Variants in TMEM117 observed in about 807,000 individuals in gnomAD.
The protein encoded by TMEM117 is transmembrane protein 117.
TMEM117 carries 27 observed loss-of-function variants against 52.4 expected under a neutral mutation model. The ratio of observed to expected loss-of-function variants is 0.51; its 90% CI spans 0.38 to 0.71. The LOEUF (loss-of-function observed/expected upper bound fraction) is 0.71, where lower values mean the gene tolerates loss of function less well. Ranked by LOEUF, TMEM117 falls within the 30% of genes least tolerant of loss-of-function variation. The pLI, the probability that TMEM117 is intolerant of heterozygous loss-of-function variation, is 0.00. For missense variants in TMEM117, 556 were observed against 630.5 expected (o/e 0.88, Z 1.26); for synonymous variants, 215 against 206.3 (o/e 1.04, Z -0.36).
chr12:44,057,261 C>T (rs76537591), intron 3 of TMEM117, among the ~76,000 whole-genome samples: 3,134 of 152,156 alleles, frequency 0.021, 103 homozygotes, highest in African/African-American at 0.07. Flanking sequence ...TCTTGATCAC[C>T]TACTATGTGT....
the TMEM117 span, among the ~76,000 whole-genome samples, chr12:43,808,010 G>T: frequency 6.6e-6 from 1 of 152,178 alleles, no homozygotes; most frequent in African/African-American, 2.4e-5. Flanking sequence ...GAAAAAAATA[G>T]CAGGTTTTGT....
chr12:43,846,102 C>CT (rs964680626), intron 2 of TMEM117, among the ~76,000 whole-genome samples: 32 of 149,032 alleles, frequency 2.1e-4, no homozygotes, highest in African/African-American at 5.4e-4. Flanking sequence ...CTCTCTCTCT[C>CT]TTTTTTTTTT....
chr12:43,852,976 G>A (rs1032745364), intron 2 of TMEM117, among the ~76,000 whole-genome samples: 4 of 152,178 alleles, frequency 2.6e-5, no homozygotes, highest in African/African-American at 9.7e-5. Flanking sequence ...TGGAGTGGTT[G>A]GAAGGCAGGC....
chr12:43,812,000 A>G, the TMEM117 span, among the ~76,000 whole-genome samples: 1 of 152,226 alleles, frequency 6.6e-6, no homozygotes. Context: ...AGATACATAT[A>G]TCTTCTGAAT....
intron 7 of TMEM117, among the ~76,000 whole-genome samples, chr12:44,385,824 C>T (rs1194716923): frequency 6.6e-6 from 1 of 152,072 alleles, no homozygotes; most frequent in Non-Finnish European, 1.5e-5. Context: ...AATCTCTGAA[C>T]TTTTTCATTT....
At chr12:43,834,122 A>C (rs1942998427), upstream of TMEM117, among the ~76,000 whole-genome samples, 1 of 152,146 alleles carries the variant, frequency 6.6e-6, no homozygotes, top group Admixed American at 6.6e-5. Context: ...AAAGAAATAA[A>C]TTACAGACCT....
chr12:43,891,797 T>C (rs1179028425), intron 2 of TMEM117, among the ~76,000 whole-genome samples: 2 of 152,180 alleles, frequency 1.3e-5, no homozygotes, highest in Non-Finnish European at 2.9e-5. Flanking sequence ...CCTCTATTGT[T>C]TTAAAGTAGT....
chr12:44,299,649 G>A lies in TMEM117; in HGVS notation c.678G>A (p.Lys226=). ...CAACGGACTGGATCAGCTGGGACAA[G>A]CTGAATCGGGGATTTTTGCCCAGTG... ...VITTDWISWD[K]LNRGFLPSDE... Residue 226 remains lysine, a synonymous_variant, in exon 6 of 8, where the codon AAG becomes AAA. Coordinates refer to ENST00000266534, the MANE Select transcript of TMEM117 (RefSeq NM_032256.3). 2.5e-6 allele frequency: 4 copies of A among 1,614,218 alleles called. No homozygotes were observed. The highest frequency in any genetic ancestry group is 3.3e-5 in the Admixed American group (2 of 60,026).
chr12:44,273,193 G>C (rs1024386634), intron 5 of TMEM117, among the ~76,000 whole-genome samples: 2 of 151,890 alleles, frequency 1.3e-5, no homozygotes, highest in Admixed American at 1.3e-4. Context: ...GACACAGGAA[G>C]GGGAACATCA....
At chr12:43,945,565 C>T (rs2137619584) in intron 3 of TMEM117, among the ~76,000 whole-genome samples, 1 of 152,278 alleles carries the variant, frequency 6.6e-6, no homozygotes, top group South Asian at 2.1e-4. Flanking sequence ...TCAGGTGATC[C>T]ACCCGCTTTG....
chr12:44,301,155 A>T (rs1308978820), intron 6 of TMEM117, among the ~76,000 whole-genome samples: 2 of 152,186 alleles, frequency 1.3e-5, no homozygotes, highest in Non-Finnish European at 2.9e-5. Flanking sequence ...GAGAGCATAA[A>T]TTCTTTGATT....
In TMEM117 at chr12:44,376,675, T is replaced by C. The variant is rs1951945384; in HGVS notation, c.849T>C (p.Ile283=). ...GLHTPHMQFK[I]PFFQKIFKEE... The stretch of plus-strand genomic sequence containing the variant: ...ACACCCCTCACATGCAGTTCAAGAT[T>C]CCTTTCTTCCAGAAAATCTTCAAGG... The change falls in exon 7 of 8, where the codon ATT becomes ATC. Residue 283 remains isoleucine, a synonymous_variant. Coordinates refer to ENST00000266534, the MANE Select transcript of TMEM117 (RefSeq NM_032256.3). 1.9e-6 allele frequency: 3 copies of C among 1,611,866 alleles called. No homozygotes were observed. The highest frequency in any genetic ancestry group is 1.7e-5 in the Admixed American group (1 of 59,552).
chr12:44,315,613 A>G (rs1258812048), intron 6 of TMEM117, among the ~76,000 whole-genome samples: 1 of 152,142 alleles, frequency 6.6e-6, no homozygotes. Flanking sequence ...GTCAGAGCAT[A>G]TGGTGGGTAT....
At chr12:43,810,891 T>G in the TMEM117 span, among the ~76,000 whole-genome samples, 1 of 152,214 alleles carries the variant, frequency 6.6e-6, no homozygotes, top group Admixed American at 6.5e-5. Context: ...GACCTTTATT[T>G]AGGGGTGTGC....
chr12:44,065,113 G>T (rs184944777), intron 3 of TMEM117, among the ~76,000 whole-genome samples: 1 of 152,312 alleles, frequency 6.6e-6, no homozygotes, highest in East Asian at 1.9e-4. Flanking sequence ...GGCTGGGCAT[G>T]GTGGCTCACG....
chr12:44,360,987 G>T (rs1375687941), intron 6 of TMEM117, among the ~76,000 whole-genome samples: 1 of 152,086 alleles, frequency 6.6e-6, no homozygotes, highest in African/African-American at 2.4e-5. Flanking sequence ...TATGAACTGA[G>T]CATTGAAGCA....
intron 5 of TMEM117, among the ~76,000 whole-genome samples, chr12:44,242,647 A>C (rs1169019694): frequency 6.8e-6 from 1 of 147,590 alleles, no homozygotes; most frequent in East Asian, 2.0e-4. Context: ...TTCTATCTAT[A>C]TATATTATAT....
At chr12:43,805,566 G>A in the TMEM117 span, 6 of 461,208 alleles carry the variant, frequency 1.3e-5, no homozygotes, top group African/African-American at 6.0e-5. Context: ...ATGGAGGTCA[G>A]ATATAACTGC....
In TMEM117 at chr12:44,388,462, C is replaced by T. The variant is rs753942179; in HGVS notation, c.1335C>T (p.Asp445=). The T allele has an allele frequency of 6.2e-6, 10 of 1,613,250 alleles. No individual in the cohort carries two copies. Among genetic ancestry groups the T allele is most frequent in the South Asian group, 4.4e-5 (4 of 91,074 alleles). The change falls in exon 8 of 8, where the codon GAC becomes GAT. Residue 445 remains aspartate, a synonymous_variant. Transcript: ENST00000266534. ...AATCTCCATCAGAACATAGCAAAGACATGGGAATCACTCGAGAAAACACCC... is the reference window on the plus strand; with the variant it reads ...AATCTCCATCAGAACATAGCAAAGATATGGGAATCACTCGAGAAAACACCC... ...KRKSPSEHSK[D]MGITRENTQA... is the part of the protein sequence containing the mutation.
Sources: gnomAD v4.1 joint callset for allele counts (sites outside exome capture counted in the v4.1 genomes callset) on GRCh38, gnomAD v4.1.1 for gene constraint, MANE v1.5 for transcripts, NCBI Gene and HGNC (gene_info 2026-07-23, HGNC 2026-07-21) for gene names.